Variants in SLC24A2 observed in about 807,000 individuals in gnomAD.
The protein encoded by SLC24A2 is solute carrier family 24 member 2, also known as sodium/potassium/calcium exchanger 2.
Under a neutral mutation model 62.0 loss-of-function variants are expected in SLC24A2, and 36 were observed. That is an observed-to-expected ratio of 0.58 (90% CI 0.44 to 0.77). The LOEUF (loss-of-function observed/expected upper bound fraction) is 0.77, where lower values mean the gene tolerates loss of function less well. Ranked by LOEUF, SLC24A2 falls within the 30% of genes least tolerant of loss-of-function variation. SLC24A2 has a pLI of 0.00. For missense variants in SLC24A2, 846 were observed against 817.9 expected (o/e 1.03, Z -0.42); for synonymous variants, 358 against 294.0 (o/e 1.22, Z -2.23).
chr9:20,015,612 G>C, the SLC24A2 span, among the ~76,000 whole-genome samples: 2 of 152,318 alleles, frequency 1.3e-5, no homozygotes, highest in African/African-American at 2.4e-5. Flanking sequence ...TTCTAACTTA[G>C]CTAGGTTGAC....
intron 7 of SLC24A2, among the ~76,000 whole-genome samples, chr9:19,550,775 A>T (rs1014906369): frequency 6.6e-6 from 1 of 151,804 alleles, no homozygotes; most frequent in African/African-American, 2.4e-5. Flanking sequence ...ATTCAGTAAT[A>T]CTACTAAGAG....
At chr9:20,222,918 A>T in the SLC24A2 span, among the ~76,000 whole-genome samples, 2 of 152,088 alleles carry the variant, frequency 1.3e-5, no homozygotes, top group Non-Finnish European at 2.9e-5. Context: ...TGAAGTCCTA[A>T]CTTATTAAAT....
At chr9:19,685,402 A>G (rs980007129) in intron 2 of SLC24A2, among the ~76,000 whole-genome samples, 3 of 152,188 alleles carry the variant, frequency 2.0e-5, no homozygotes, top group Admixed American at 2.0e-4. Context: ...CAGAATTAGA[A>G]AAAGCTATCT....
chr9:19,582,510 T>C (rs1836237994), intron 5 of SLC24A2, among the ~76,000 whole-genome samples: 1 of 152,154 alleles, frequency 6.6e-6, no homozygotes, highest in Non-Finnish European at 1.5e-5. Flanking sequence ...GAACAGACCA[T>C]GGCTTGGGAG....
chr9:19,638,478 G>A (rs1224602534), intron 2 of SLC24A2, among the ~76,000 whole-genome samples: 1 of 152,094 alleles, frequency 6.6e-6, no homozygotes, highest in Non-Finnish European at 1.5e-5. Flanking sequence ...AACAACCTGG[G>A]GGAGCTAAGG....
At chr9:19,674,810 C>T (rs1196780003) in intron 2 of SLC24A2, among the ~76,000 whole-genome samples, 1 of 152,138 alleles carries the variant, frequency 6.6e-6, no homozygotes, top group African/African-American at 2.4e-5. Context: ...TTCTCTGCTG[C>T]CTCTTTGATT....
At chr9:19,692,771 T>C (rs1382233523) in intron 2 of SLC24A2, among the ~76,000 whole-genome samples, 1 of 152,194 alleles carries the variant, frequency 6.6e-6, no homozygotes, top group African/African-American at 2.4e-5. Flanking sequence ...ATTAGTCATG[T>C]AGTCTCCCAG....
At chr9:19,989,356 C>T in the SLC24A2 span, among the ~76,000 whole-genome samples, 2 of 152,048 alleles carry the variant, frequency 1.3e-5, no homozygotes, top group African/African-American at 4.8e-5. Flanking sequence ...GAATGAGTCG[C>T]TCTTAACATA....
chr9:20,031,057 C>T, the SLC24A2 span, among the ~76,000 whole-genome samples: 2 of 151,742 alleles, frequency 1.3e-5, no homozygotes, highest in Non-Finnish European at 1.5e-5. Context: ...TGCCACTCTG[C>T]TTTCAATATT....
At chr9:20,153,781 C>A in the SLC24A2 span, among the ~76,000 whole-genome samples, 2 of 151,956 alleles carry the variant, frequency 1.3e-5, no homozygotes, top group Non-Finnish European at 1.5e-5. Flanking sequence ...GGGCAAAACA[C>A]CAAAATGTTA....
At chr9:19,717,905 C>A (rs1820904094) in intron 2 of SLC24A2, among the ~76,000 whole-genome samples, 1 of 151,890 alleles carries the variant, frequency 6.6e-6, no homozygotes, top group Non-Finnish European at 1.5e-5. Context: ...AGAAGAAAAT[C>A]CTACATGTGT....
chr9:19,861,059 G>A, the SLC24A2 span, among the ~76,000 whole-genome samples: 1 of 152,206 alleles, frequency 6.6e-6, no homozygotes, highest in African/African-American at 2.4e-5. Context: ...GCCACCTCCT[G>A]ATTATAGAGC....
the SLC24A2 span, among the ~76,000 whole-genome samples, chr9:19,877,685 C>A: frequency 3.9e-3 from 598 of 151,836 alleles, 2 homozygotes; most frequent in Middle Eastern, 6.8e-3. Context: ...AAGCTTTCTG[C>A]AGAGCTCCAG....
chr9:19,990,435 C>A, the SLC24A2 span, among the ~76,000 whole-genome samples: 1 of 151,768 alleles, frequency 6.6e-6, no homozygotes, highest in South Asian at 2.1e-4. Flanking sequence ...CATGGTGAAA[C>A]CCCGTCTCTA....
the SLC24A2 span, among the ~76,000 whole-genome samples, chr9:19,894,211 C>T: frequency 3.9e-5 from 6 of 152,228 alleles, no homozygotes; most frequent in East Asian, 3.9e-4. Flanking sequence ...AGAACCTTTC[C>T]GTCATCTCAC....
At chr9:19,774,334 T>A (rs185396504) in intron 2 of SLC24A2, among the ~76,000 whole-genome samples, 161 of 152,270 alleles carry the variant, frequency 1.1e-3, no homozygotes, top group African/African-American at 3.7e-3. Flanking sequence ...CCAGAGAGGT[T>A]AAGTAATGTA....
intron 2 of SLC24A2, among the ~76,000 whole-genome samples, chr9:19,634,000 T>G (rs927864717): frequency 3.3e-5 from 5 of 152,194 alleles, no homozygotes; most frequent in African/African-American, 1.2e-4. Context: ...AGGTAGCAAG[T>G]CTAAGAATTC....
chr9:19,577,163 C>T (rs1270780755), intron 5 of SLC24A2, 141 bp from the exon 6 acceptor site: 2 of 742,606 alleles, frequency 2.7e-6, no homozygotes, highest in Non-Finnish European at 2.5e-6. Flanking sequence ...GCACCAGGAC[C>T]TTCCTGAAGG....
chr9:20,014,697 G>C, the SLC24A2 span, among the ~76,000 whole-genome samples: 14 of 152,208 alleles, frequency 9.2e-5, no homozygotes, highest in Admixed American at 2.6e-4. Context: ...TATAGAAGTA[G>C]AGAGGAGAAT....
Sources: allele counts gnomAD v4.1 joint callset (sites outside exome capture counted in the v4.1 genomes callset), GRCh38; gene constraint gnomAD v4.1.1; transcripts MANE v1.5; gene names NCBI Gene and HGNC (gene_info 2026-07-23, HGNC 2026-07-21).